Variants in PARD3B observed in about 807,000 individuals in gnomAD.
PARD3B encodes the protein partitioning defective 3 homolog B.
In PARD3B, 103 loss-of-function variants were observed where a neutral mutation model predicts 130.2. The observed-to-expected ratio is 0.79, with a 90% CI of 0.67 to 0.93. PARD3B has a LOEUF of 0.93. Ranked by LOEUF, PARD3B falls within the 40% of genes least tolerant of loss-of-function variation. The probability of loss-of-function intolerance (pLI) is 0.00; values close to 1 mark genes in which losing one functional copy is unlikely to be tolerated. For missense variants in PARD3B, 1,609 were observed against 1,499.2 expected, an observed-to-expected ratio of 1.07 and a Z score of -1.21; for synonymous variants, 583 against 553.2, an observed-to-expected ratio of 1.05 and a Z score of -0.76.
intron 2 of PARD3B, among the ~76,000 whole-genome samples, chr2:204,883,822 C>T (rs1328778454): frequency 6.6e-6 from 1 of 150,954 alleles, no homozygotes; most frequent in Non-Finnish European, 1.5e-5. Context: ...TCACTGCAAC[C>T]TCCACCTCTC....
chr2:205,536,767 T>C (rs1289886562), intron 21 of PARD3B, among the ~76,000 whole-genome samples: 1 of 152,178 alleles, frequency 6.6e-6, no homozygotes, highest in Admixed American at 6.5e-5. Context: ...AATTACAAGA[T>C]GGAAGATTTT....
chr2:205,595,379 A>G (rs1026608475), intron 22 of PARD3B, among the ~76,000 whole-genome samples: 5 of 152,228 alleles, frequency 3.3e-5, no homozygotes, highest in Non-Finnish European at 7.3e-5. Context: ...CAAACGGTAA[A>G]TAACATTTTA....
At chr2:204,998,974 C>T (rs752594552) in intron 3 of PARD3B, among the ~76,000 whole-genome samples, 1 of 152,080 alleles carries the variant, frequency 6.6e-6, no homozygotes, top group East Asian at 1.9e-4. Context: ...GGATTACAGG[C>T]GTGAGGCACC....
chr2:204,947,789 G>A (rs1489349819), intron 2 of PARD3B, among the ~76,000 whole-genome samples: 2 of 152,170 alleles, frequency 1.3e-5, no homozygotes, highest in African/African-American at 4.8e-5. Context: ...TCTACCGTGA[G>A]TTCTAAAGGA....
At chr2:204,836,264 A>G (rs1280138147) in intron 2 of PARD3B, among the ~76,000 whole-genome samples, 2 of 152,192 alleles carry the variant, frequency 1.3e-5, no homozygotes, top group Non-Finnish European at 2.9e-5. Flanking sequence ...TTTTTATCTC[A>G]GAAATAAGAA....
At chr2:205,380,954 G>GTATATAATATCTAAAGAATATATTA (rs1559035141) in intron 18 of PARD3B, among the ~76,000 whole-genome samples, 101 of 13,414 alleles carry the variant, frequency 7.5e-3, no homozygotes, top group South Asian at 0.062. Flanking sequence ...AATATATAAT[G>GTATATAATATCTAAAGAATATATTA]TATATAATAT....
At chr2:205,182,385 C>G (rs541799844) in intron 13 of PARD3B, among the ~76,000 whole-genome samples, 1 of 150,300 alleles carries the variant, frequency 6.7e-6, no homozygotes, top group African/African-American at 2.4e-5. Flanking sequence ...CACCGATCAC[C>G]ACTTTAAAAA....
intron 15 of PARD3B, among the ~76,000 whole-genome samples, chr2:205,238,917 T>TATATATATATATGTATGTGC (rs1491572046): frequency 8.1e-6 from 1 of 123,414 alleles, no homozygotes; most frequent in Admixed American, 7.9e-5. Context: ...TATGTATGTG[T>TATATATATATATGTATGTGC]ATATATATAT....
Position 204,861,740 on chromosome 2 carries a change from C to G in PARD3B, c.223-103412C>G, listed in dbSNP as rs927169116. Among the ~76,000 whole-genome samples, 4 of 151,724 alleles carry G rather than the reference C, an allele frequency of 2.6e-5. 1 individual carries two copies. Among genetic ancestry groups the G allele is most frequent in the East Asian group, 3.9e-4 (2 of 5,168 alleles). On this transcript the variant is annotated intron_variant, in intron 2 of 22. Coordinates refer to ENST00000406610, the MANE Select transcript of PARD3B (RefSeq NM_001302769.2). ...TCAGTCTGTAGAAGACTAGTAGCAT[C>G]TGACTGGAATTAGAGGGCTGCAAGA...
intron 21 of PARD3B, among the ~76,000 whole-genome samples, chr2:205,528,245 C>G (rs1559181625): frequency 6.6e-6 from 1 of 152,164 alleles, no homozygotes; most frequent in Non-Finnish European, 1.5e-5. Context: ...GGAAGTAAAA[C>G]TTAACCACAT....
intron 1 of PARD3B, among the ~76,000 whole-genome samples, chr2:204,676,960 A>G (rs1398667360): frequency 6.6e-6 from 1 of 151,984 alleles, no homozygotes; most frequent in East Asian, 1.9e-4. Context: ...GAGCCACCGC[A>G]CCCGGCCAAG....
intron 3 of PARD3B, among the ~76,000 whole-genome samples, chr2:205,005,634 CAGAA>C (rs1473533764): frequency 6.6e-6 from 1 of 151,942 alleles, no homozygotes; most frequent in African/African-American, 2.4e-5. Flanking sequence ...GCAAGGCAAA[CAGAA>C]AGAGTATTGA....
At chr2:205,444,555 A>G (rs374748393) in intron 20 of PARD3B, among the ~76,000 whole-genome samples, 2 of 152,324 alleles carry the variant, frequency 1.3e-5, no homozygotes, top group African/African-American at 4.8e-5. Context: ...GTTTTGATGT[A>G]TTTGCCAATC....
intron 2 of PARD3B, among the ~76,000 whole-genome samples, chr2:204,931,805 G>A (rs1688055630): frequency 6.6e-6 from 1 of 152,014 alleles, no homozygotes; most frequent in Non-Finnish European, 1.5e-5. Context: ...GGGCAGGGAA[G>A]AGAATACCAG....
At chr2:205,533,778 A>G (rs2051710215) in intron 21 of PARD3B, among the ~76,000 whole-genome samples, 2 of 152,222 alleles carry the variant, frequency 1.3e-5, no homozygotes, top group East Asian at 1.9e-4. Context: ...CACCCAGGCT[A>G]GAGTGCAGGG....
chr2:205,103,964 G>A (rs1256678859), intron 4 of PARD3B, among the ~76,000 whole-genome samples: 5 of 152,166 alleles, frequency 3.3e-5, no homozygotes, highest in Non-Finnish European at 7.3e-5. Context: ...CAGTGTTTCT[G>A]CCTGACTTTG....
intron 2 of PARD3B, among the ~76,000 whole-genome samples, chr2:204,783,583 G>A (rs2041912909): frequency 6.6e-6 from 1 of 152,116 alleles, no homozygotes; most frequent in African/African-American, 2.4e-5. Flanking sequence ...TGGTGCAAAA[G>A]TAATTGTGGT....
intron 18 of PARD3B, among the ~76,000 whole-genome samples, chr2:205,345,761 T>A (rs1426273448): frequency 6.8e-6 from 1 of 148,070 alleles, no homozygotes; most frequent in Non-Finnish European, 1.5e-5. Flanking sequence ...TTCAGAAAAT[T>A]ATTCTCTGGA....
chr2:205,427,066 A>C (rs1233460429), intron 19 of PARD3B, among the ~76,000 whole-genome samples: 1 of 152,236 alleles, frequency 6.6e-6, no homozygotes, highest in African/African-American at 2.4e-5. Flanking sequence ...CTTCACCGAA[A>C]TATGACTTCT....
Sources: gnomAD v4.1 joint callset for allele counts (sites outside exome capture counted in the v4.1 genomes callset) on GRCh38, gnomAD v4.1.1 for gene constraint, MANE v1.5 for transcripts, NCBI Gene and HGNC (gene_info 2026-07-23, HGNC 2026-07-21) for gene names.